The following GTF2IRD1 variants were observed in gnomAD, a reference collection of about 807,000 sequenced individuals.
GTF2IRD1 encodes GTF2I repeat domain containing 1, also known as general transcription factor II-I repeat domain-containing protein 1.
In GTF2IRD1, 26 loss-of-function variants were observed where a neutral mutation model predicts 113.2. The observed-to-expected ratio is 0.23, with a 90% CI of 0.17 to 0.32. The LOEUF is 0.32. GTF2IRD1 is among the 10% of genes least tolerant of loss of function. The pLI, the probability that GTF2IRD1 is intolerant of heterozygous loss-of-function variation, is 1.00. For missense variants in GTF2IRD1, 864 were observed against 1,280.8 expected, an observed-to-expected ratio of 0.67 and a Z score of 4.97; for synonymous variants, 484 against 529.1, an observed-to-expected ratio of 0.91 and a Z score of 1.17.
intron 1 of GTF2IRD1, among the ~76,000 whole-genome samples, chr7:74,504,025 CTA>C (rs2129925652): frequency 6.6e-6 from 1 of 152,250 alleles, no homozygotes; most frequent in East Asian, 1.9e-4. Flanking sequence ...TTTTCTGTTT[CTA>C]TGTTAATTTG....
In GTF2IRD1 at chr7:74,529,795, G is replaced by A. The variant is rs782083080; in HGVS notation, c.1152G>A (p.Pro384=). The A allele has an allele frequency of 5.6e-5, 91 of 1,613,876 alleles. No individual in the cohort carries two copies. In the East Asian group the frequency reaches 5.8e-4, roughly 10 times the overall value. ...PVPYRKIACD[P]EAVEIVGIPD... ...CCTACCGGAAGATTGCCTGTGACCC[G>A]GAGGCTGTGGAGATCGTGGGCATCC... The change falls in exon 9 of 27, where the codon CCG becomes CCA. Residue 384 remains proline, a synonymous_variant. Coordinates refer to ENST00000424337, the MANE Select transcript of GTF2IRD1 (RefSeq NM_005685.4).
At chr7:74,592,217 A>G (rs1199266743) in intron 24 of GTF2IRD1, among the ~76,000 whole-genome samples, 2 of 151,806 alleles carry the variant, frequency 1.3e-5, no homozygotes, top group Non-Finnish European at 2.9e-5. Flanking sequence ...CTCCTGTCTC[A>G]GTCTCTCAAG....
chr7:74,559,535 C>T (rs1163288684), intron 21 of GTF2IRD1, 92 bp from the exon 22 acceptor site: 3 of 1,164,646 alleles, frequency 2.6e-6, no homozygotes, highest in African/African-American at 3.1e-5. Flanking sequence ...CTGGGGTGCT[C>T]CCAGGGGAGA....
intron 25 of GTF2IRD1, among the ~76,000 whole-genome samples, chr7:74,595,523 TAAA>T (rs1221958927): frequency 6.8e-6 from 1 of 146,120 alleles, no homozygotes; most frequent in Non-Finnish European, 1.5e-5. Context: ...ACCCTGTCTC[TAAA>T]AAAAAAAAAT....
At chr7:74,552,643 A>AT (rs1554355342) in intron 17 of GTF2IRD1, among the ~76,000 whole-genome samples, 2 of 152,048 alleles carry the variant, frequency 1.3e-5, no homozygotes, top group Non-Finnish European at 2.9e-5. Flanking sequence ...GTTTGTTTTT[A>AT]TTTTTGTTTT....
In GTF2IRD1 at chr7:74,538,735, G is replaced by A. The variant is rs782076954; in HGVS notation, c.1503G>A (p.Leu501=). Residue 501 remains leucine (L), a synonymous_variant, in exon 13 of 27, where the codon CTG becomes CTA. Transcript: ENST00000424337. ...LRPIKIEPED[L]DIIQVTVPDP... is the part of the protein sequence containing the mutation. ...CGATCAAAATTGAGCCAGAGGATCT[G>A]GACATCATTCAGGTCACCGTCCCAG... is the stretch of plus-strand genomic sequence containing the variant. 2 of 1,600,748 alleles carry A rather than the reference G, an allele frequency of 1.2e-6. No homozygotes were observed. The highest frequency in any genetic ancestry group is 8.6e-7 in the Non-Finnish European group (1 of 1,167,862).
At chr7:74,460,377 C>T (rs1473455937) in intron 1 of GTF2IRD1, among the ~76,000 whole-genome samples, 2 of 151,886 alleles carry the variant, frequency 1.3e-5, no homozygotes, top group Non-Finnish European at 2.9e-5. Flanking sequence ...TCAATGTGAT[C>T]CTCCCACCTC....
chr7:74,537,408 G>T (rs377413849), intron 11 of GTF2IRD1, among the ~76,000 whole-genome samples: 1 of 149,124 alleles, frequency 6.7e-6, no homozygotes, highest in South Asian at 2.1e-4. Flanking sequence ...ACAAGACTCC[G>T]TCTCAAAAAA....
At chr7:74,495,090 G>A (rs1584517313) in intron 1 of GTF2IRD1, among the ~76,000 whole-genome samples, 1 of 152,206 alleles carries the variant, frequency 6.6e-6, no homozygotes, top group Non-Finnish European at 1.5e-5. Flanking sequence ...CATTGCAGGA[G>A]GATGGACCAG....
intron 1 of GTF2IRD1, chr7:74,487,534 C>T (rs1181719987): frequency 1.3e-5 from 2 of 151,948 alleles, no homozygotes; most frequent in Non-Finnish European, 2.9e-5. Flanking sequence ...GTGGTGGGGC[C>T]GTAGACTGTT....
chr7:74,555,361 GT>G lies in GTF2IRD1; in HGVS notation c.1967-74del. 6.5e-7 allele frequency: 1 copy of G among 1,532,674 alleles called. No homozygotes were observed. The highest frequency in any genetic ancestry group is 9.0e-7 in the Non-Finnish European group (1 of 1,106,262). The allele number at this position is 1,532,674 out of a possible 1,614,324, so 94.9% of individuals were successfully genotyped here. On this transcript the variant is annotated intron_variant, in intron 18 of 26. Coordinates refer to ENST00000424337, the MANE Select transcript of GTF2IRD1 (RefSeq NM_005685.4). This position sits in a 1 kb window ranked among gnomAD's most constrained non-coding sequence, Gnocchi z 5.3. The stretch of plus-strand genomic sequence containing the variant: ...CATTCTCCCCACACCCCCACATTGG[GT>G]TTCCCCTAACGATGCCATCTTGGGT...
intron 8 of GTF2IRD1, 97 bp from the exon 9 acceptor site, chr7:74,529,637 T>G (rs1583804104): frequency 1.1e-6 from 1 of 912,726 alleles, no homozygotes; most frequent in Non-Finnish European, 1.7e-6. Context: ...CAGAGTGGAG[T>G]GGGGACGGTG....
intron 22 of GTF2IRD1, among the ~76,000 whole-genome samples, chr7:74,579,636 A>G (rs1297425384): frequency 6.9e-6 from 1 of 145,720 alleles, no homozygotes; most frequent in Non-Finnish European, 1.5e-5. Flanking sequence ...AAAAAAAAAA[A>G]CTACAGTTCC....
At chr7:74,492,627 G>C (rs1260299925) in intron 1 of GTF2IRD1, among the ~76,000 whole-genome samples, 2 of 152,158 alleles carry the variant, frequency 1.3e-5, no homozygotes, top group Non-Finnish European at 2.9e-5. Context: ...CTTTTGAAAA[G>C]TGTCTGTTCA....
At chr7:74,538,408 C>T (rs1207942967) in intron 12 of GTF2IRD1, among the ~76,000 whole-genome samples, 1 of 152,182 alleles carries the variant, frequency 6.6e-6, no homozygotes. Context: ...TGCCTCCTGT[C>T]GATGCCCAGA....
Position 74,565,577 on chromosome 7 carries a change from A to G in GTF2IRD1, c.2320+5922A>G, listed in dbSNP as rs587700872. Among the ~76,000 whole-genome samples, 8 of 152,224 alleles carry G rather than the reference A, an allele frequency of 5.3e-5. No individual in the cohort carries two copies. In the South Asian group the frequency reaches 1.7e-3, roughly 32 times the overall value. ...GGACAGCTAACGGGGGCTGTTCAGG[A>G]TATGCTGGGAAGAAGCGGTGGTGAC... is the stretch of plus-strand genomic sequence containing the variant. On this transcript the variant is annotated intron_variant, in intron 22 of 26. Coordinates refer to ENST00000424337, the MANE Select transcript of GTF2IRD1 (RefSeq NM_005685.4).
chr7:74,534,602 TG>T (rs1204185325), intron 9 of GTF2IRD1, among the ~76,000 whole-genome samples: 1 of 151,754 alleles, frequency 6.6e-6, no homozygotes, highest in East Asian at 1.9e-4. Context: ...GAGGCAGAGC[TG>T]GGGGAGCGAG....
In GTF2IRD1 at chr7:74,518,254, C is replaced by T. The variant is rs138178353; in HGVS notation, c.537C>T (p.Ala179=). The T allele has an allele frequency of 1.2e-4, 189 of 1,612,118 alleles. No individual in the cohort carries two copies. Among genetic ancestry groups the T allele is most frequent in the East Asian group, 5.1e-4 (23 of 44,844 alleles). The part of the protein sequence containing the change: ...LPEGLAFRRP[A]EYDPKALMAI... Reference sequence around the variant, plus strand: ...AAGGCCTGGCCTTCCGAAGGCCAGCCGAGTATGACCCCAAGGCCCTCATGG... The same window carrying T: ...AAGGCCTGGCCTTCCGAAGGCCAGCTGAGTATGACCCCAAGGCCCTCATGG... Residue 179 remains alanine, a synonymous_variant, in exon 5 of 27, where the codon GCC becomes GCT. Coordinates refer to ENST00000424337, the MANE Select transcript of GTF2IRD1 (RefSeq NM_005685.4).
intron 21 of GTF2IRD1, 95 bp downstream of exon 21, chr7:74,559,139 C>G (rs1354824542): frequency 5.1e-5 from 59 of 1,151,398 alleles, no homozygotes; most frequent in Non-Finnish European, 6.8e-5. Context: ...GTCCTGCCCT[C>G]CCCCCTGGAC....
Sources: allele counts gnomAD v4.1 joint callset (sites outside exome capture counted in the v4.1 genomes callset), GRCh38; gene constraint gnomAD v4.1.1; non-coding constraint Gnocchi (gnomAD v3.1); transcripts MANE v1.5; gene names NCBI Gene and HGNC (gene_info 2026-07-23, HGNC 2026-07-21).